ADCY3: variants seen among roughly 807,000 people sequenced by gnomAD.
ADCY3 encodes the protein adenylate cyclase 3, also known as adenylate cyclase type 3.
ADCY3 carries 70 observed loss-of-function variants against 119.4 expected under a neutral mutation model. That is an observed-to-expected ratio of 0.59 (90% CI 0.48 to 0.72). ADCY3 has a LOEUF of 0.72. ADCY3 is among the 30% of genes least tolerant of loss of function. The pLI is 0.00. For missense variants in ADCY3, 1,238 were observed against 1,541.6 expected (o/e 0.80, Z 3.30); for synonymous variants, 672 against 621.4 (o/e 1.08, Z -1.21).
chr2:24,852,020 T>C lies in ADCY3; in HGVS notation c.826-9636A>G, dbSNP rs796926678. Among the ~76,000 whole-genome samples the C allele has an allele frequency of 9.8e-5, 15 of 152,302 alleles. 1 individual carries two copies. Among genetic ancestry groups the C allele is most frequent in the African/African-American group, 3.6e-4 (15 of 41,560 alleles). ...TTGGCAATAATTGCTGTCACAGTGA[T>C]TGGCTTTCTGTGCAAGCAGCAGGAC... On this transcript the variant is annotated intron_variant, in intron 3 of 21. Coordinates refer to ENST00000679454, the MANE Select transcript of ADCY3 (RefSeq NM_004036.5).
At chr2:24,905,451 G>C (rs901672247) in intron 2 of ADCY3, among the ~76,000 whole-genome samples, 7 of 152,176 alleles carry the variant, frequency 4.6e-5, no homozygotes, top group Non-Finnish European at 8.8e-5. Context: ...CATTTTTTAA[G>C]ACAAAAATTG....
rs1669988011 is a variant in ADCY3 at position 24,834,252 on chromosome 2, G to GATC, written c.1967+230_1967+232dup. On this transcript the variant is annotated intron_variant, in intron 11 of 21. Coordinates refer to ENST00000679454, the MANE Select transcript of ADCY3 (RefSeq NM_004036.5). The surrounding 1 kb of genome is among the most constrained non-coding windows in gnomAD (Gnocchi z 4.2). Reference sequence around the variant, plus strand: ...CCCTCAGCTCTCTTGATCCTGGCCAGATCCCCATTCTGACGCTAGGACTGC... The same window carrying GATC: ...CCCTCAGCTCTCTTGATCCTGGCCAGATCATCCCCATTCTGACGCTAGGACTGC... Among the ~76,000 whole-genome samples, 1 of 152,204 alleles carries GATC rather than the reference G, an allele frequency of 6.6e-6. No homozygotes were observed. The highest frequency in any genetic ancestry group is 2.1e-4 in the South Asian group (1 of 4,832).
Position 24,827,597 on chromosome 2 carries a change from A to G in ADCY3, c.2444T>C (p.Val815Ala), listed in dbSNP as rs2148426918. 6.3e-7 allele frequency: 1 copy of G among 1,587,040 alleles called. No individual in the cohort carries two copies. The highest frequency in any genetic ancestry group is 2.3e-5 in the East Asian group (1 of 44,112). Residue 815 changes from valine (V) to alanine (A), a missense_variant, in exon 15 of 22, where the codon GTG (valine) becomes GCG (alanine). Coordinates refer to ENST00000679454, the MANE Select transcript of ADCY3 (RefSeq NM_004036.5). ...KRFREHDLPM[V>A]ALEQMQGFNP... ...GAATCCTTGCATCTGCTCTAAGGCC[A>G]CCATAGGTAAGCTGTTGGACAGATA...
intron 2 of ADCY3, among the ~76,000 whole-genome samples, chr2:24,910,807 C>T (rs532199587): frequency 1.6e-4 from 25 of 151,966 alleles, no homozygotes; most frequent in Admixed American, 5.9e-4. Flanking sequence ...TCACCACGCC[C>T]GGCTGATTTT....
chr2:24,904,322 G>A (rs1251292510), intron 2 of ADCY3, among the ~76,000 whole-genome samples: 1 of 152,126 alleles, frequency 6.6e-6, no homozygotes, highest in African/African-American at 2.4e-5. Flanking sequence ...TTGAGATCAG[G>A]AGTTTGAGGC....
In ADCY3 at chr2:24,841,589, G is replaced by A. The variant is rs41289508; in HGVS notation, c.1035C>T (p.Asn345=). 8.3e-4 allele frequency: 1,337 copies of A among 1,613,508 alleles called. 5 individuals carry two copies. Among genetic ancestry groups the A allele is most frequent in the Middle Eastern group, 5.0e-3 (30 of 6,040 alleles). Residue 345 remains asparagine (N), a synonymous_variant, in exon 5 of 22, where the codon AAC becomes AAT. Transcript: ENST00000679454. The surrounding 1 kb of genome is among the most constrained non-coding windows in gnomAD (Gnocchi z 5.8). ...CSAQELVKLL[N]ELFARFDKLA... ...GCTTGTCAAAGCGGGCAAAGAGCTC[G>A]TTGAGCAGCTTCACAAGCTCCTGGG... is the stretch of plus-strand genomic sequence containing the variant.
At position 24,834,423 on chromosome 2, in the gene ADCY3, G is replaced by GCCCCC; in HGVS notation, c.1967+57_1967+61dup. Reference sequence around the variant, plus strand: ...GGCTCCCGCTGAGACACCTGCCCCCGCCCCCCGCCCGGCACCACCGCAGCC... The same window carrying GCCCCC: ...GGCTCCCGCTGAGACACCTGCCCCCGCCCCCCCCCCCGCCCGGCACCACCGCAGCC... On this transcript the variant is annotated intron_variant, in intron 11 of 21. Transcript: ENST00000679454. This position sits in a 1 kb window ranked among gnomAD's most constrained non-coding sequence, Gnocchi z 4.2. The GCCCCC allele has an allele frequency of 1.2e-5, 17 of 1,388,710 alleles. No homozygotes were observed. Among genetic ancestry groups the GCCCCC allele is most frequent in the South Asian group, 3.1e-5 (2 of 65,256 alleles). 86.0% of individuals were successfully genotyped at this position (1,388,710 alleles called of 1,614,324 possible). A position where few individuals can be genotyped will look rare whatever the true frequency, so the allele number is the denominator to read the frequency against.
At chr2:24,821,814 C>G in intron 19 of ADCY3, 174 bp from the exon 20 acceptor site, 1 of 927,798 alleles carries the variant, frequency 1.1e-6, no homozygotes, top group Non-Finnish European at 1.6e-6. Context: ...GCCACTGTGA[C>G]AAAGTTCACG....
rs535343738 is a variant in ADCY3, at chr2:24,835,467, C to T, written c.1663-531G>A. Among the ~76,000 whole-genome samples the T allele has an allele frequency of 3.9e-5, 6 of 152,236 alleles. No individual in the cohort carries two copies. The East Asian group carries it at 5.8e-4, about 15-fold the overall frequency. ...TCATCACTAGAGGGCTGACAAGGGGCGGGTAGGTGGAGCTGGGGCACCCAC... is the reference window on the plus strand; with the variant it reads ...TCATCACTAGAGGGCTGACAAGGGGTGGGTAGGTGGAGCTGGGGCACCCAC... On this transcript the variant is annotated intron_variant, in intron 9 of 21. Transcript: ENST00000679454.
intron 3 of ADCY3, among the ~76,000 whole-genome samples, chr2:24,854,441 A>G (rs1201811338): frequency 6.6e-6 from 1 of 152,184 alleles, no homozygotes. Flanking sequence ...TTGGTTCCTT[A>G]TCTATAAAAT....
chr2:24,884,720 G>C (rs11675198), intron 2 of ADCY3, among the ~76,000 whole-genome samples: 74,492 of 151,308 alleles, frequency 0.49, 20,079 homozygotes, highest in African/African-American at 0.73. Context: ...CAAGTGATCT[G>C]CCCGCCTTGG....
Position 24,919,019 on chromosome 2 carries a change from A to C in ADCY3, c.-32T>G. On this transcript the variant is annotated 5_prime_UTR_variant, in exon 2 of 22. Coordinates refer to ENST00000679454, the MANE Select transcript of ADCY3 (RefSeq NM_004036.5). This position sits in a 1 kb window ranked among gnomAD's most constrained non-coding sequence, Gnocchi z 5.5. ...TGGTGTCTGCTACTGGCCCTAGAGA[A>C]GTGGACTGGGAACGGAGGAAGAGCT... 1 of 1,517,504 alleles carries C rather than the reference A, an allele frequency of 6.6e-7. No homozygotes were observed. Among genetic ancestry groups the C allele is most frequent in the Admixed American group, 2.0e-5 (1 of 49,600 alleles). The allele number at this position is 1,517,504 out of a possible 1,614,324, so 94.0% of individuals were successfully genotyped here. A position where few individuals can be genotyped will look rare whatever the true frequency, so the allele number is the denominator to read the frequency against.
At chr2:24,839,656 C>T (rs1006779567) in intron 7 of ADCY3, among the ~76,000 whole-genome samples, 7 of 152,222 alleles carry the variant, frequency 4.6e-5, no homozygotes, top group African/African-American at 1.7e-4. Context: ...GGAAAAGCCA[C>T]ATCCAATATC....
rs779512665 is a variant in ADCY3, at chr2:24,827,528, G to T, written c.2495+18C>A. ...AGGGCTGTGAGTGCAGGCCAGGAGG[G>T]GAAGCCGTGGCCCTTACCTGTCAGT... On this transcript the variant is annotated intron_variant, in intron 15 of 21. Transcript: ENST00000679454. 1 of 1,574,794 alleles carries T rather than the reference G, an allele frequency of 6.4e-7. No individual in the cohort carries two copies. Among genetic ancestry groups the T allele is most frequent in the South Asian group, 1.2e-5 (1 of 86,362 alleles).
chr2:24,833,507 C>T (rs1421292929), intron 11 of ADCY3, among the ~76,000 whole-genome samples: 1 of 152,232 alleles, frequency 6.6e-6, no homozygotes, highest in African/African-American at 2.4e-5. Context: ...AGCTCCCCAG[C>T]AGCATACCCG....
chr2:24,825,910 A>T, intron 16 of ADCY3, 135 bp downstream of exon 16: 1 of 797,268 alleles, frequency 1.3e-6, no homozygotes, highest in East Asian at 2.7e-5. Context: ...CGGTGGCCTG[A>T]CCAGGCTCAC....
chr2:24,851,019 G>C (rs2148653623), intron 3 of ADCY3, among the ~76,000 whole-genome samples: 1 of 152,334 alleles, frequency 6.6e-6, no homozygotes, highest in Non-Finnish European at 1.5e-5. Context: ...AGTTGCTATA[G>C]GGTGCTGGTG....
At chr2:24,881,178 A>C (rs1676358927) in intron 2 of ADCY3, among the ~76,000 whole-genome samples, 1 of 152,154 alleles carries the variant, frequency 6.6e-6, no homozygotes, top group Non-Finnish European at 1.5e-5. Context: ...ACACACTAAG[A>C]ACCTCACTGG....
At chr2:24,832,412 G>C (rs913764871) in intron 11 of ADCY3, among the ~76,000 whole-genome samples, 1 of 152,110 alleles carries the variant, frequency 6.6e-6, no homozygotes, top group Non-Finnish European at 1.5e-5. Context: ...CGGGGGCTAA[G>C]AGTCTGCCTG....
Sources: allele counts gnomAD v4.1 joint callset (sites outside exome capture counted in the v4.1 genomes callset), GRCh38; gene constraint gnomAD v4.1.1; non-coding constraint Gnocchi (gnomAD v3.1); transcripts MANE v1.5; gene names NCBI Gene and HGNC (gene_info 2026-07-23, HGNC 2026-07-21).